The following NDUFB5 variants were observed in gnomAD, a reference collection of about 807,000 sequenced individuals.
The protein encoded by NDUFB5 is NADH:ubiquinone oxidoreductase subunit B5, also known as NADH dehydrogenase [ubiquinone] 1 beta subcomplex subunit 5, mitochondrial.
Under a neutral mutation model 19.4 loss-of-function variants are expected in NDUFB5, and 19 were observed. The observed-to-expected ratio is 0.98, with a 90% CI of 0.68 to 1.43. The LOEUF is 1.43. NDUFB5 is among the 40% of genes most tolerant of loss of function. The pLI, the probability that NDUFB5 is intolerant of heterozygous loss-of-function variation, is 0.00. For synonymous variants in NDUFB5, 80 were observed against 82.6 expected (o/e 0.97, Z 0.17); for missense variants, 233 against 236.5 (o/e 0.99, Z 0.10).
intron 3 of NDUFB5, among the ~76,000 whole-genome samples, chr3:179,616,538 T>C (rs976781399): frequency 7.0e-6 from 1 of 143,666 alleles, no homozygotes; most frequent in Admixed American, 7.0e-5. Context: ...TGAGACTCTG[T>C]CCCCCCCCCA....
At chr3:179,623,244 C>T (rs1719582309) in intron 5 of NDUFB5, among the ~76,000 whole-genome samples, 1 of 152,194 alleles carries the variant, frequency 6.6e-6, no homozygotes, top group Non-Finnish European at 1.5e-5. Flanking sequence ...AGTAGACATT[C>T]TGTAAATGAC....
In NDUFB5 at chr3:179,626,531, T is replaced by C. The variant is rs1021501339; in HGVS notation, c.*2491T>C. ...GTACTTTAGGCGTGCCTGGCCTTTT[T>C]GTCCATTTTATTTTTTTGAGATGGA... On this transcript the variant is annotated 3_prime_UTR_variant, in exon 6 of 6. Transcript: ENST00000259037. 6.7e-6 allele frequency: 1 copy of C among 149,810 alleles called. No individual in the cohort carries two copies. The highest frequency in any genetic ancestry group is 2.5e-5 in the African/African-American group (1 of 39,272). The allele number at this position is 149,810 out of a possible 1,614,324, so 9.3% of individuals were successfully genotyped here.
At chr3:179,617,980 T>G (rs1178372500) in intron 4 of NDUFB5, among the ~76,000 whole-genome samples, 1 of 152,238 alleles carries the variant, frequency 6.6e-6, no homozygotes, top group Non-Finnish European at 1.5e-5. Context: ...CTGAATGAAT[T>G]ATATTTTAAA....
At chr3:179,619,182 G>T (rs1463229883) in intron 5 of NDUFB5, among the ~76,000 whole-genome samples, 4 of 142,120 alleles carry the variant, frequency 2.8e-5, no homozygotes, top group Non-Finnish European at 6.0e-5. Flanking sequence ...CCTCTCTTAT[G>T]GTGCTGAGTG....
At chr3:179,605,978 G>C (rs953019133) in intron 1 of NDUFB5, among the ~76,000 whole-genome samples, 2 of 152,148 alleles carry the variant, frequency 1.3e-5, no homozygotes, top group Non-Finnish European at 2.9e-5. Flanking sequence ...ATTTAGTAGA[G>C]ATGGGGTTTC....
chr3:179,611,830 T>C (rs1200613291), intron 1 of NDUFB5, among the ~76,000 whole-genome samples: 1 of 152,100 alleles, frequency 6.6e-6, no homozygotes, highest in Non-Finnish European at 1.5e-5. Context: ...AATTAGTCAT[T>C]GAAGCCTTGG....
rs901614553 is a variant in NDUFB5 at position 179,617,013 on chromosome 3, G to T, written c.311G>T (p.Gly104Val). Residue 104 changes from glycine to valine, a missense_variant, in exon 4 of 6, where the codon GGC becomes GTC. Physicochemically the swap from Gly to Val is moderately radical, Grantham distance 109 (BLOSUM62 -3). Transcript: ENST00000259037. Reference sequence around the variant, plus strand: ...GCTGAACTAGCAGAAATTCCAGAAGGCTATGTCCCAGAACACTGGGAATAT... The same window carrying T: ...GCTGAACTAGCAGAAATTCCAGAAGTCTATGTCCCAGAACACTGGGAATAT... ...GQAELAEIPEGYVPEHWEYYK... is the reference protein window; with the variant it reads ...GQAELAEIPEVYVPEHWEYYK... 6.2e-6 allele frequency: 10 copies of T among 1,612,694 alleles called. No individual in the cohort carries two copies. The highest frequency in any genetic ancestry group is 1.7e-5 in the Admixed American group (1 of 59,926).
chr3:179,605,607 A>G (rs552425310), intron 1 of NDUFB5, among the ~76,000 whole-genome samples: 1 of 151,680 alleles, frequency 6.6e-6, no homozygotes, highest in Non-Finnish European at 1.5e-5. Context: ...TTAGGGGTCT[A>G]CGAAAGTCTT....
At chr3:179,610,920 G>A (rs1719224189) in intron 1 of NDUFB5, among the ~76,000 whole-genome samples, 1 of 152,186 alleles carries the variant, frequency 6.6e-6, no homozygotes, top group Non-Finnish European at 1.5e-5. Context: ...TCCAGACATG[G>A]AATAGATGGG....
chr3:179,611,590 G>A (rs1427185639), intron 1 of NDUFB5, among the ~76,000 whole-genome samples: 1 of 151,690 alleles, frequency 6.6e-6, no homozygotes, highest in Non-Finnish European at 1.5e-5. Flanking sequence ...AGTAGAGACA[G>A]GGTTTCACCA....
intron 5 of NDUFB5, among the ~76,000 whole-genome samples, chr3:179,619,107 G>T (rs2108401657): frequency 6.6e-6 from 1 of 150,788 alleles, no homozygotes; most frequent in Admixed American, 6.7e-5. Context: ...AAGCTATGTG[G>T]ATTTTCTTTC....
intron 1 of NDUFB5, among the ~76,000 whole-genome samples, chr3:179,606,821 A>G (rs1274263707): frequency 6.6e-6 from 1 of 152,202 alleles, no homozygotes; most frequent in African/African-American, 2.4e-5. Context: ...TCCCAGTTTA[A>G]TTTGAATTAT....
intron 5 of NDUFB5, among the ~76,000 whole-genome samples, chr3:179,620,854 CT>C (rs1271320462): frequency 6.6e-6 from 1 of 152,150 alleles, no homozygotes; most frequent in Non-Finnish European, 1.5e-5. Flanking sequence ...TGCTTTTAAA[CT>C]TTGGGTAGAT....
At chr3:179,608,672 CTG>C (rs1396311220) in intron 1 of NDUFB5, among the ~76,000 whole-genome samples, 1 of 152,142 alleles carries the variant, frequency 6.6e-6, no homozygotes, top group East Asian at 1.9e-4. Context: ...TAATTAAGGT[CTG>C]AGTCCTGAGG....
At chr3:179,618,571 A>C (rs1719444206) in intron 5 of NDUFB5, 50 bp downstream of exon 5, 1 of 1,197,002 alleles carries the variant, frequency 8.4e-7, no homozygotes, top group Non-Finnish European at 1.2e-6. Context: ...CTAAGGTAGC[A>C]AACCACCAGA....
chr3:179,618,364 G>A, intron 4 of NDUFB5, 51 bp from the exon 5 acceptor site: 3 of 1,218,198 alleles, frequency 2.5e-6, no homozygotes, highest in African/African-American at 1.5e-5. Context: ...AACTAGAAAA[G>A]CAAAGTATTA....
chr3:179,612,390 C>CT, intron 1 of NDUFB5, among the ~76,000 whole-genome samples: 1 of 150,372 alleles, frequency 6.7e-6, no homozygotes, highest in Non-Finnish European at 1.5e-5. Flanking sequence ...TATCTAGGAC[C>CT]TTTAATGACA....
intron 1 of NDUFB5, among the ~76,000 whole-genome samples, chr3:179,611,426 T>C (rs113101547): frequency 0.017 from 2,526 of 152,136 alleles, 70 homozygotes; most frequent in African/African-American, 0.056. Flanking sequence ...TTTTTTTTTT[T>C]TCTTGAGACG....
intron 1 of NDUFB5, among the ~76,000 whole-genome samples, chr3:179,608,809 A>G (rs1200848059): frequency 6.6e-6 from 1 of 152,084 alleles, no homozygotes; most frequent in Non-Finnish European, 1.5e-5. Context: ...CCTCCAGTCA[A>G]CTTGTTTGTG....
Sources: allele counts gnomAD v4.1 joint callset (sites outside exome capture counted in the v4.1 genomes callset), GRCh38; gene constraint gnomAD v4.1.1; transcripts MANE v1.5; gene names NCBI Gene and HGNC (gene_info 2026-07-23, HGNC 2026-07-21).